The following SLC38A8 variants were observed in gnomAD, a reference collection of about 807,000 sequenced individuals.
SLC38A8 encodes the protein amino acid transporter SLC38A8.
A neutral mutation model predicts 46.0 loss-of-function variants in SLC38A8; 65 were observed. That is an observed-to-expected ratio of 1.41 (90% CI 1.16 to 1.74). The LOEUF is 1.74. SLC38A8 is among the 40% of genes most tolerant of loss of function. SLC38A8 has a pLI of 0.00. For missense variants in SLC38A8, 998 were observed against 567.9 expected (o/e 1.76, Z -7.70); for synonymous variants, 447 against 243.7 (o/e 1.83, Z -7.77).
chr16:84,010,856 G>T (rs979580853), intron 10 of SLC38A8, among the ~76,000 whole-genome samples: 1 of 152,066 alleles, frequency 6.6e-6, no homozygotes, highest in Admixed American at 6.6e-5. Flanking sequence ...AGGAGAAGAC[G>T]CAAGCTCTAA....
chr16:84,024,678 G>C (rs1413440839), intron 6 of SLC38A8, among the ~76,000 whole-genome samples: 1 of 152,054 alleles, frequency 6.6e-6, no homozygotes, highest in African/African-American at 2.4e-5. Context: ...TTACTTGGGA[G>C]GCTAAGGCAG....
At chr16:84,033,298 G>A (rs772972902) in intron 4 of SLC38A8, 30 bp downstream of exon 4, 4 of 1,613,518 alleles carry the variant, frequency 2.5e-6, no homozygotes, top group Middle Eastern at 1.6e-4. Flanking sequence ...CAAGGTGGGG[G>A]CCCCCACCAG....
intron 7 of SLC38A8, among the ~76,000 whole-genome samples, chr16:84,021,984 C>A (rs1484170905): frequency 6.6e-6 from 1 of 152,194 alleles, no homozygotes; most frequent in Non-Finnish European, 1.5e-5. Context: ...CCATGATAAC[C>A]TATTAATCCA....
intron 5 of SLC38A8, 151 bp downstream of exon 5, chr16:84,031,716 C>G (rs1433588971): frequency 3.0e-6 from 2 of 677,136 alleles, no homozygotes; most frequent in Non-Finnish European, 5.0e-6. Context: ...CCCTCCCTTG[C>G]CTTCACCGCA....
At position 84,029,556 on chromosome 16, in the gene SLC38A8, A is replaced by T. The variant is rs778342318; in HGVS notation, c.633-5T>A. The T allele has an allele frequency of 6.2e-7, 1 of 1,613,940 alleles. No individual in the cohort carries two copies. Among genetic ancestry groups the T allele is most frequent in the African/African-American group, 1.3e-5 (1 of 74,940 alleles). On this transcript the variant is annotated splice_polypyrimidine_tract_variant and splice_region_variant and intron_variant, in intron 5 of 10. Transcript: ENST00000299709. Reference sequence around the variant, plus strand: ...ACAGAGGTCCAGGAGGCAGGGCTGTAAACAGACAAGAACAGGAGTTTATTA... The same window carrying T: ...ACAGAGGTCCAGGAGGCAGGGCTGTTAACAGACAAGAACAGGAGTTTATTA...
At chr16:84,018,565 C>T (rs1270136699) in intron 7 of SLC38A8, among the ~76,000 whole-genome samples, 8 of 152,072 alleles carry the variant, frequency 5.3e-5, no homozygotes, top group African/African-American at 1.7e-4. Flanking sequence ...ATGCCCATAA[C>T]CCATCAGTCC....
chr16:84,016,550 G>T lies in SLC38A8; in HGVS notation c.1131C>A (p.Gly377=), dbSNP rs1453056215. 1 of 1,614,104 alleles carries T rather than the reference G, an allele frequency of 6.2e-7. No homozygotes were observed. Among genetic ancestry groups the T allele is most frequent in the African/African-American group, 1.3e-5 (1 of 75,064 alleles). Residue 377 remains glycine, a synonymous_variant, in exon 9 of 11, where the codon GGC becomes GGA. Transcript: ENST00000299709. ...DLSEIVSIIG[G]ISSFFIFIFP... Reference sequence around the variant, plus strand: ...AGATGAAGATGAAGAAGGAACTGATGCCTCCGATGATGCTGACGATCTCGC... The same window carrying T: ...AGATGAAGATGAAGAAGGAACTGATTCCTCCGATGATGCTGACGATCTCGC...
chr16:84,026,461 A>C (rs2151120860), intron 6 of SLC38A8, among the ~76,000 whole-genome samples: 1 of 152,288 alleles, frequency 6.6e-6, no homozygotes, highest in East Asian at 1.9e-4. Context: ...TCCTGACCTC[A>C]GGTGATCCAC....
At chr16:84,033,569 C>T in intron 3 of SLC38A8, 100 bp from the exon 4 acceptor site, 1 of 1,365,694 alleles carries the variant, frequency 7.3e-7, no homozygotes. Context: ...GGACATCCAC[C>T]CTCAGCCAGC....
intron 9 of SLC38A8, among the ~76,000 whole-genome samples, chr16:84,015,211 C>A (rs1463817398): frequency 6.6e-6 from 1 of 152,136 alleles, no homozygotes; most frequent in Non-Finnish European, 1.5e-5. Context: ...CCCTGGAACA[C>A]ACCCCCCACT....
At position 84,038,310 on chromosome 16, in the gene SLC38A8, C is replaced by CAA. The variant is rs58049880; in HGVS notation, c.190-1412_190-1411dup. Among the ~76,000 whole-genome samples the CAA allele has an allele frequency of 4.0e-4, 57 of 144,290 alleles. 1 individual carries two copies. The East Asian group carries it at 8.4e-3, about 21-fold the overall frequency. The allele number at this position is 144,290 out of a possible 152,430, so 94.7% of individuals were successfully genotyped here. On this transcript the variant is annotated intron_variant, in intron 2 of 10. Coordinates refer to ENST00000299709, the MANE Select transcript of SLC38A8 (RefSeq NM_001080442.3). ...TGGGCCCCAAAGCGAGACTCCCTCT[C>CAA]AAAAAAAAAAAAATTCAGATGTACA... is the stretch of plus-strand genomic sequence containing the variant.
In SLC38A8 at chr16:84,025,905, G is replaced by A. The variant is rs571534384; in HGVS notation, c.691-3016C>T. ...GTCCTACAGGAGGGCTCTGCCAGCA[G>A]GGGGGACGCAACCCCTCTGCCTCCT... On this transcript the variant is annotated intron_variant, in intron 6 of 10. Transcript: ENST00000299709. 6.6e-5 allele frequency among the ~76,000 whole-genome samples: 10 copies of A among 152,344 alleles called. No individual in the cohort carries two copies. The South Asian group carries it at 1.4e-3, about 22-fold the overall frequency.
Position 84,042,077 on chromosome 16 carries a change from C to T in SLC38A8, c.81G>A (p.Met27Ile), listed in dbSNP as rs749378839. Residue 27 changes from methionine (M) to isoleucine (I), a missense_variant, in exon 2 of 11, where the codon ATG becomes ATA. By Grantham distance (10) the Met-to-Ile change is conservative. Transcript: ENST00000299709. Reference sequence around the variant, plus strand: ...ACTTCATGAGGATGAAGACAGCGCCCATCGAGGACAGAGTGGCAGCAGCCG... The same window carrying T: ...ACTTCATGAGGATGAAGACAGCGCCTATCGAGGACAGAGTGGCAGCAGCCG... ...PATAAATLSS[M>I]GAVFILMKSA... 6.2e-7 allele frequency: 1 copy of T among 1,614,084 alleles called. No individual in the cohort carries two copies. The highest frequency in any genetic ancestry group is 1.1e-5 in the South Asian group (1 of 91,080).
At chr16:84,036,105 T>C (rs1474613212) in intron 3 of SLC38A8, among the ~76,000 whole-genome samples, 2 of 152,136 alleles carry the variant, frequency 1.3e-5, no homozygotes, top group Non-Finnish European at 2.9e-5. Context: ...ATGATGCAAA[T>C]TAAGGTCGAA....
intron 6 of SLC38A8, 125 bp downstream of exon 6, chr16:84,029,369 C>T: frequency 2.1e-6 from 2 of 931,862 alleles, no homozygotes; most frequent in Non-Finnish European, 3.3e-6. Flanking sequence ...GCACAGAGCC[C>T]ACTGTATCCT....
At chr16:84,011,239 G>A (rs555965703) in intron 10 of SLC38A8, among the ~76,000 whole-genome samples, 13 of 152,174 alleles carry the variant, frequency 8.5e-5, no homozygotes, top group South Asian at 4.1e-4. Context: ...CAGTTTTAAC[G>A]ATAAAAATAT....
chr16:84,017,939 C>T (rs2085050376), intron 7 of SLC38A8, among the ~76,000 whole-genome samples: 1 of 152,148 alleles, frequency 6.6e-6, no homozygotes, highest in Non-Finnish European at 1.5e-5. Flanking sequence ...ACCCTCTGAC[C>T]CAGGGGCTAC....
rs374728450 is a variant in SLC38A8, at chr16:84,031,945, C to T, written c.554G>A (p.Cys185Tyr). The change falls in exon 5 of 11, where the codon TGT (cysteine) becomes TAT (tyrosine). Residue 185 changes from cysteine to tyrosine, a missense_variant. Cys to Tyr is a radical substitution (Grantham distance 194). Transcript: ENST00000299709. ...YTSILGTLAA[C>Y]YLALVITVQY... ...CACGGTGATGACCAGGGCCAGGTAACAGGCAGCCAGAGTGCCTAGGATGCT... is the reference window on the plus strand; with the variant it reads ...CACGGTGATGACCAGGGCCAGGTAATAGGCAGCCAGAGTGCCTAGGATGCT... 2 of 1,614,094 alleles carry T rather than the reference C, an allele frequency of 1.2e-6. No homozygotes were observed. The highest frequency in any genetic ancestry group is 1.3e-5 in the African/African-American group (1 of 74,958).
At chr16:84,028,415 T>A (rs1165193204) in intron 6 of SLC38A8, among the ~76,000 whole-genome samples, 2 of 151,540 alleles carry the variant, frequency 1.3e-5, no homozygotes, top group African/African-American at 4.9e-5. Context: ...ACTCCCTCTG[T>A]ACTAAAAATA....
Sources: gnomAD v4.1 joint callset for allele counts (sites outside exome capture counted in the v4.1 genomes callset) on GRCh38, gnomAD v4.1.1 for gene constraint, MANE v1.5 for transcripts, NCBI Gene and HGNC (gene_info 2026-07-23, HGNC 2026-07-21) for gene names.